FANCB: variants seen among roughly 807,000 people sequenced by gnomAD.
FANCB encodes Fanconi anemia group B protein.
Under a neutral mutation model 38.9 loss-of-function variants are expected in FANCB, and 5 were observed. That is an observed-to-expected ratio of 0.13 (90% CI 0.07 to 0.27). FANCB has a LOEUF of 0.27. Ranked by LOEUF, FANCB falls within the 10% of genes least tolerant of loss-of-function variation. The pLI, the probability that FANCB is intolerant of heterozygous loss-of-function variation, is 1.00. For synonymous variants in FANCB, 236 were observed against 215.4 expected (o/e 1.10, Z -0.84); for missense variants, 573 against 602.7 (o/e 0.95, Z 0.52).
At chrX:14,775,022 C>T in the FANCB span, among the ~76,000 whole-genome samples, 44 of 109,857 alleles carry the variant, frequency 4.0e-4, no homozygotes, top group African/African-American at 1.4e-3. Context: ...TTAGTAGAGA[C>T]GGGGTTTCAC....
At chrX:14,726,164 A>G in the FANCB span, among the ~76,000 whole-genome samples, 1 of 112,303 alleles carries the variant, frequency 8.9e-6, no homozygotes, top group Non-Finnish European at 1.9e-5. Context: ...TTTTAGTTTC[A>G]GTTTATCCAT....
the FANCB span, among the ~76,000 whole-genome samples, chrX:14,735,926 C>G: frequency 8.9e-6 from 1 of 111,806 alleles, no homozygotes; most frequent in East Asian, 2.8e-4. Context: ...TTCAGAGATC[C>G]CCTGCCCAGA....
chrX:14,859,124 C>A, intron 4 of FANCB, 58 bp downstream of exon 4: 2 of 801,343 alleles, frequency 2.5e-6, no homozygotes, highest in Non-Finnish European at 3.7e-6. Context: ...AGCTTTTGAG[C>A]ACTTAAATTT....
the FANCB span, among the ~76,000 whole-genome samples, chrX:14,699,857 CCTCAGCAAA>C: frequency 1.8e-4 from 20 of 111,776 alleles, no homozygotes; most frequent in South Asian, 7.6e-4. Context: ...AGGGCATTAT[CCTCAGCAAA>C]CTAATGTAAG....
At chrX:14,799,895 A>G in the FANCB span, among the ~76,000 whole-genome samples, 18 of 112,085 alleles carry the variant, frequency 1.6e-4, no homozygotes, top group African/African-American at 5.8e-4. Flanking sequence ...ATGAACTTGG[A>G]TATCTAACTG....
At chrX:14,724,087 T>G in the FANCB span, among the ~76,000 whole-genome samples, 1 of 111,875 alleles carries the variant, frequency 8.9e-6, no homozygotes, top group Admixed American at 9.5e-5. Context: ...TTACCTTAAC[T>G]GTTTATTTTT....
chrX:14,813,692 A>T, the FANCB span, among the ~76,000 whole-genome samples: 2 of 111,898 alleles, frequency 1.8e-5, no homozygotes, highest in Non-Finnish European at 3.8e-5. Context: ...AAAAAAATGG[A>T]AGAACATTCC....
chrX:14,735,310 C>T, the FANCB span, among the ~76,000 whole-genome samples: 1 of 110,873 alleles, frequency 9.0e-6, no homozygotes, highest in Non-Finnish European at 1.9e-5. Flanking sequence ...AGAGAAGAGG[C>T]ATTCTGTTTT....
At chrX:14,841,654 C>T (rs934681700), downstream of FANCB, among the ~76,000 whole-genome samples, 10 of 111,834 alleles carry the variant, frequency 8.9e-5, no homozygotes, top group African/African-American at 1.3e-4. Context: ...TTCAATTTGG[C>T]AGAGTGGATT....
chrX:14,806,909 A>G, the FANCB span, among the ~76,000 whole-genome samples: 1 of 112,125 alleles, frequency 8.9e-6, no homozygotes, highest in Non-Finnish European at 1.9e-5. Flanking sequence ...AAAAACTGGA[A>G]TTTATTTTCC....
At chrX:14,833,571 T>A (rs2092332721), downstream of FANCB, among the ~76,000 whole-genome samples, 1 of 111,049 alleles carries the variant, frequency 9.0e-6, no homozygotes, top group Admixed American at 9.6e-5. Context: ...CTACTAAAAA[T>A]GAAAAATCTG....
chrX:14,834,363 C>T (rs991091606), downstream of FANCB: 15 of 329,410 alleles, frequency 4.6e-5, no homozygotes, highest in African/African-American at 1.1e-4. Flanking sequence ...TTATCAAACA[C>T]GGAAGGGAAA....
At chrX:14,794,616 G>T in the FANCB span, among the ~76,000 whole-genome samples, 283 of 112,288 alleles carry the variant, frequency 2.5e-3, no homozygotes, top group Non-Finnish European at 4.7e-3. Flanking sequence ...GATTCTGGGA[G>T]ATTAAGTAAC....
chrX:14,729,777 G>T, the FANCB span, among the ~76,000 whole-genome samples: 18 of 110,932 alleles, frequency 1.6e-4, no homozygotes, highest in African/African-American at 5.9e-4. Flanking sequence ...TTAGGGCCAG[G>T]CACACAGCAC....
chrX:14,791,152 A>T, the FANCB span, among the ~76,000 whole-genome samples: 1 of 111,744 alleles, frequency 8.9e-6, no homozygotes, highest in South Asian at 3.8e-4. Context: ...ATGTCTCCTC[A>T]AACTTCAAAT....
At chrX:14,868,596 T>C (rs2092480913) in intron 2 of FANCB, among the ~76,000 whole-genome samples, 1 of 110,512 alleles carries the variant, frequency 9.0e-6, no homozygotes, top group South Asian at 3.8e-4. Context: ...GGAGAGAGGA[T>C]GGGAGGATGG....
the FANCB span, among the ~76,000 whole-genome samples, chrX:14,776,750 T>G: frequency 1.8e-5 from 2 of 112,549 alleles, no homozygotes; most frequent in African/African-American, 6.5e-5. Flanking sequence ...AACACCACAG[T>G]AGAGCTATGA....
intron 9 of FANCB, 100 bp downstream of exon 9, chrX:14,844,403 G>C: frequency 1.6e-6 from 1 of 620,988 alleles, no homozygotes; most frequent in Non-Finnish European, 2.8e-6. Flanking sequence ...TATTGCCATG[G>C]CAATAATACA....
chrX:14,858,389 T>G (rs1040439932), intron 4 of FANCB, among the ~76,000 whole-genome samples: 16 of 108,396 alleles, frequency 1.5e-4, no homozygotes, highest in Non-Finnish European at 2.7e-4. Context: ...AGAGCAAGAC[T>G]CTGTCTCCAA....
Sources: gnomAD v4.1 joint callset for allele counts (sites outside exome capture counted in the v4.1 genomes callset) on GRCh38, gnomAD v4.1.1 for gene constraint, MANE v1.5 for transcripts, NCBI Gene and HGNC (gene_info 2026-07-23, HGNC 2026-07-21) for gene names.